LRRFIP2: variants seen among roughly 807,000 people sequenced by gnomAD.
LRRFIP2 encodes leucine-rich repeat flightless-interacting protein 2.
A neutral mutation model predicts 125.9 loss-of-function variants in LRRFIP2; 109 were observed. That is an observed-to-expected ratio of 0.87 (90% confidence interval 0.74 to 1.01). The LOEUF is 1.01. Ranked by LOEUF, LRRFIP2 falls within the 50% of genes least tolerant of loss-of-function variation. The pLI, the probability that LRRFIP2 is intolerant of heterozygous loss-of-function variation, is 0.00. For synonymous variants in LRRFIP2, 291 were observed against 293.1 expected, an observed-to-expected ratio of 0.99 and a Z score of 0.07; for missense variants, 850 against 862.3, an observed-to-expected ratio of 0.99 and a Z score of 0.18.
intron 4 of LRRFIP2, among the ~76,000 whole-genome samples, chr3:37,122,660 T>C (rs1172451241): frequency 2.0e-5 from 3 of 152,172 alleles, no homozygotes; most frequent in African/African-American, 7.2e-5. Context: ...CCTGATTGTG[T>C]TGTTAATATG....
chr3:37,103,831 T>C (rs1274888366), intron 14 of LRRFIP2, among the ~76,000 whole-genome samples: 1 of 152,212 alleles, frequency 6.6e-6, no homozygotes, highest in African/African-American at 2.4e-5. Context: ...AGGATATAAA[T>C]TCCATAAAGT....
chr3:37,151,458 T>G (rs2096021455), intron 1 of LRRFIP2, among the ~76,000 whole-genome samples: 1 of 152,112 alleles, frequency 6.6e-6, no homozygotes, highest in Non-Finnish European at 1.5e-5. Context: ...ACAGAAAACT[T>G]TTCTCAGAGT....
intron 16 of LRRFIP2, among the ~76,000 whole-genome samples, chr3:37,095,273 T>C (rs965849263): frequency 6.6e-6 from 1 of 152,262 alleles, no homozygotes; most frequent in Non-Finnish European, 1.5e-5. Context: ...ATAACTGATA[T>C]GCTAATCAGC....
At position 37,162,757 on chromosome 3, in the gene LRRFIP2, C is replaced by T. The variant is rs145134109; in HGVS notation, c.-56+11782G>A. ...AAAGCTACAGATTGGAGCAATATGACTCAAGAGACATAATGAAGGACTGTC... is the reference window on the plus strand; with the variant it reads ...AAAGCTACAGATTGGAGCAATATGATTCAAGAGACATAATGAAGGACTGTC... On this transcript the variant is annotated intron_variant, in intron 1 of 27. Transcript: ENST00000336686. Among the ~76,000 whole-genome samples the T allele has an allele frequency of 5.9e-5, 9 of 152,310 alleles. No homozygotes were observed. In the Middle Eastern group the frequency reaches 0.017, roughly 288 times the overall value.
At chr3:37,172,831 A>C (rs947535834) in intron 1 of LRRFIP2, 1 of 152,186 alleles carries the variant, frequency 6.6e-6, no homozygotes, top group Admixed American at 6.5e-5. Flanking sequence ...GTCCAGCATA[A>C]TTTATTATAA....
intron 18 of LRRFIP2, among the ~76,000 whole-genome samples, chr3:37,090,160 C>G (rs909128662): frequency 6.6e-6 from 1 of 152,146 alleles, no homozygotes; most frequent in African/African-American, 2.4e-5. Flanking sequence ...TATCCTGAGT[C>G]ACCCTTCTAA....
intron 14 of LRRFIP2, among the ~76,000 whole-genome samples, chr3:37,103,269 T>C (rs1038176508): frequency 1.3e-5 from 2 of 152,210 alleles, no homozygotes; most frequent in Admixed American, 1.3e-4. Flanking sequence ...AGAGAACATT[T>C]ACTTCCTGAG....
intron 7 of LRRFIP2, 58 bp from the exon 8 acceptor site, chr3:37,113,038 A>G (rs2094608673): frequency 2.1e-6 from 2 of 955,904 alleles, no homozygotes; most frequent in Non-Finnish European, 3.3e-6. Context: ...TATGAAAATA[A>G]TAAAATTCAT....
chr3:37,112,217 T>A (rs551209833), intron 8 of LRRFIP2, among the ~76,000 whole-genome samples: 7 of 151,714 alleles, frequency 4.6e-5, no homozygotes, highest in South Asian at 2.1e-4. Context: ...ATGCCTGTAA[T>A]CCCAGCTACT....
chr3:37,059,352 A>C (rs1315262388), intron 24 of LRRFIP2, among the ~76,000 whole-genome samples: 1 of 152,212 alleles, frequency 6.6e-6, no homozygotes, highest in Non-Finnish European at 1.5e-5. Context: ...TCTCTAAAAA[A>C]AATAAAACAA....
At chr3:37,162,278 C>G (rs2096369204) in intron 1 of LRRFIP2, among the ~76,000 whole-genome samples, 1 of 151,222 alleles carries the variant, frequency 6.6e-6, no homozygotes, top group African/African-American at 2.4e-5. Flanking sequence ...GAGTGTTCAA[C>G]ACAAGTCCTG....
At chr3:37,170,832 G>C (rs2096575965) in intron 1 of LRRFIP2, 1 of 152,176 alleles carries the variant, frequency 6.6e-6, no homozygotes, top group Non-Finnish European at 1.5e-5. Context: ...CCAGCAATTT[G>C]GGAGGCCAAG....
At position 37,109,590 on chromosome 3, in the gene LRRFIP2, A is replaced by G. The variant is rs1559884999; in HGVS notation, c.565-19T>C. 1 of 1,614,078 alleles carries G rather than the reference A, an allele frequency of 6.2e-7. No homozygotes were observed. The highest frequency in any genetic ancestry group is 8.5e-7 in the Non-Finnish European group (1 of 1,179,944). The stretch of plus-strand genomic sequence containing the variant: ...GAGAGGCCTAAGAAAAAAGTGTATT[A>G]TTAAACCCCAAAAAAAGCAACTGGT... On this transcript the variant is annotated intron_variant, in intron 10 of 27. Transcript: ENST00000336686.
At chr3:37,096,095 C>T (rs2093703560) in intron 16 of LRRFIP2, among the ~76,000 whole-genome samples, 1 of 152,154 alleles carries the variant, frequency 6.6e-6, no homozygotes, top group Non-Finnish European at 1.5e-5. Flanking sequence ...ATTTGTGGCT[C>T]GCATTACATT....
In LRRFIP2 at chr3:37,150,975, T is replaced by C. The variant is rs532335227; in HGVS notation, c.-55-1937A>G. Reference sequence around the variant, plus strand: ...ATTCATCAGAGCTAGCTTGTTATTCTGTCCACCAGAATAAAGACTGATGAT... The same window carrying C: ...ATTCATCAGAGCTAGCTTGTTATTCCGTCCACCAGAATAAAGACTGATGAT... On this transcript the variant is annotated intron_variant, in intron 1 of 27. Transcript: ENST00000336686. 2.0e-5 allele frequency among the ~76,000 whole-genome samples: 3 copies of C among 152,346 alleles called. No homozygotes were observed. The South Asian group carries it at 6.2e-4, about 32-fold the overall frequency.
intron 1 of LRRFIP2, among the ~76,000 whole-genome samples, chr3:37,155,012 T>C (rs566021826): frequency 1.3e-5 from 2 of 152,316 alleles, no homozygotes; most frequent in African/African-American, 4.8e-5. Context: ...CATAAACAAA[T>C]CCCAGTATAT....
intron 1 of LRRFIP2, chr3:37,172,646 C>T (rs2096601282): frequency 6.6e-6 from 1 of 152,202 alleles, no homozygotes; most frequent in Non-Finnish European, 1.5e-5. Context: ...CTAATTATCT[C>T]TACTTTTATC....
intron 24 of LRRFIP2, 42 bp from the exon 25 acceptor site, chr3:37,058,952 C>A (rs1431876078): frequency 3.7e-6 from 6 of 1,610,160 alleles, no homozygotes; most frequent in Admixed American, 1.7e-5. Context: ...TCCAATCTCT[C>A]AAATGAAGCC....
chr3:37,140,700 TACA>T (rs977984735), intron 2 of LRRFIP2, among the ~76,000 whole-genome samples: 11 of 151,254 alleles, frequency 7.3e-5, no homozygotes, highest in Non-Finnish European at 1.5e-4. Context: ...TCAGACTTAA[TACA>T]ACCTTAATTT....
Sources: allele counts gnomAD v4.1 joint callset (sites outside exome capture counted in the v4.1 genomes callset), GRCh38; gene constraint gnomAD v4.1.1; transcripts MANE v1.5; gene names NCBI Gene and HGNC (gene_info 2026-07-23, HGNC 2026-07-21).